Variants in TBC1D9 observed in about 807,000 individuals in gnomAD.
TBC1D9 encodes TBC1 domain family member 9, also known as TBC1 domain family member 9A.
In TBC1D9, 63 loss-of-function variants were observed where a neutral mutation model predicts 132.0. That is an observed-to-expected ratio of 0.48 (90% CI 0.39 to 0.59). TBC1D9 has a LOEUF of 0.59. Ranked by LOEUF, TBC1D9 falls within the 20% of genes least tolerant of loss-of-function variation. The pLI, the probability that TBC1D9 is intolerant of heterozygous loss-of-function variation, is 0.00. For synonymous variants in TBC1D9, 610 were observed against 609.9 expected, an observed-to-expected ratio of 1.00 and a Z score of 0.00; for missense variants, 1,261 against 1,592.7, an observed-to-expected ratio of 0.79 and a Z score of 3.54.
chr4:140,643,129 C>A, intron 13 of TBC1D9: 2 of 1,420,578 alleles, frequency 1.4e-6, no homozygotes, highest in Non-Finnish European at 1.9e-6. Flanking sequence ...GGTCCCACCA[C>A]GGGCCCATCC....
chr4:140,639,278 G>A (rs1441668369), intron 14 of TBC1D9, 52 bp downstream of exon 14: 3 of 1,498,022 alleles, frequency 2.0e-6, no homozygotes, highest in African/African-American at 2.8e-5. Flanking sequence ...GCCAGCAGGA[G>A]TGTGAAGAAG....
intron 6 of TBC1D9, among the ~76,000 whole-genome samples, chr4:140,672,198 A>G (rs10001181): frequency 0.054 from 8,172 of 150,136 alleles, 307 homozygotes; most frequent in Middle Eastern, 0.12. Flanking sequence ...TCTATATTAA[A>G]TATATGTGTT....
chr4:140,627,317 C>A, intron 18 of TBC1D9, 124 bp downstream of exon 18: 1 of 645,990 alleles, frequency 1.5e-6, no homozygotes, highest in Non-Finnish European at 2.7e-6. Flanking sequence ...AGGAAAGTAA[C>A]CAATTAAGGC....
chr4:140,742,447 G>T (rs1738773173), intron 1 of TBC1D9, among the ~76,000 whole-genome samples: 1 of 145,094 alleles, frequency 6.9e-6, no homozygotes, highest in African/African-American at 2.6e-5. Context: ...CAGGCTAATT[G>T]CTTGAACCTG....
intron 6 of TBC1D9, among the ~76,000 whole-genome samples, chr4:140,675,628 G>T (rs909242926): frequency 3.3e-5 from 5 of 152,174 alleles, no homozygotes; most frequent in African/African-American, 1.2e-4. Flanking sequence ...ATGTTTCTTA[G>T]ACTTTACTGT....
chr4:140,695,846 C>T (rs148101201), intron 2 of TBC1D9, among the ~76,000 whole-genome samples: 41 of 152,092 alleles, frequency 2.7e-4, no homozygotes, highest in Non-Finnish European at 4.7e-4. Flanking sequence ...GCCCCAGGTG[C>T]AAAATAGTCA....
intron 1 of TBC1D9, among the ~76,000 whole-genome samples, chr4:140,713,048 ACATAGGTGATTAACTT>A (rs1738275585): frequency 6.6e-6 from 1 of 152,190 alleles, no homozygotes; most frequent in African/African-American, 2.4e-5. Context: ...TCATCTAAAG[ACATAGGTGATTAACTT>A]CTTTTAATCT....
intron 9 of TBC1D9, among the ~76,000 whole-genome samples, chr4:140,665,440 T>C (rs941556535): frequency 6.6e-6 from 1 of 152,166 alleles, no homozygotes; most frequent in Non-Finnish European, 1.5e-5. Flanking sequence ...TGAGTACATA[T>C]TTCTACAAAG....
At chr4:140,690,125 C>T (rs987299160) in intron 2 of TBC1D9, among the ~76,000 whole-genome samples, 3 of 151,982 alleles carry the variant, frequency 2.0e-5, no homozygotes. Context: ...ATGGTATATG[C>T]CCATATGAAT....
At chr4:140,735,807 A>G (rs1167718453) in intron 1 of TBC1D9, among the ~76,000 whole-genome samples, 1 of 152,220 alleles carries the variant, frequency 6.6e-6, no homozygotes, top group Non-Finnish European at 1.5e-5. Flanking sequence ...ATAACATCCA[A>G]TTGAGCACAG....
intron 13 of TBC1D9, among the ~76,000 whole-genome samples, chr4:140,646,235 C>G (rs745968103): frequency 3.3e-5 from 5 of 151,976 alleles, no homozygotes; most frequent in Non-Finnish European, 7.4e-5. Flanking sequence ...TTAACTTGCC[C>G]AAGTCTACAC....
chr4:140,664,203 A>G (rs1240065677), intron 9 of TBC1D9, among the ~76,000 whole-genome samples: 1 of 152,178 alleles, frequency 6.6e-6, no homozygotes, highest in Non-Finnish European at 1.5e-5. Flanking sequence ...TTATTTGTCA[A>G]TTATACCTCA....
chr4:140,645,138 TG>T, intron 13 of TBC1D9: 1 of 565,536 alleles, frequency 1.8e-6, no homozygotes, highest in Non-Finnish European at 3.4e-6. Context: ...AGGGTGCACG[TG>T]GGCCAGGTCA....
At chr4:140,749,314 T>C (rs1461664917) in intron 1 of TBC1D9, among the ~76,000 whole-genome samples, 1 of 152,012 alleles carries the variant, frequency 6.6e-6, no homozygotes, top group Admixed American at 6.5e-5. Context: ...ATAAAATGAA[T>C]ATAAAACTTC....
chr4:140,740,207 A>G (rs995940953), intron 1 of TBC1D9, among the ~76,000 whole-genome samples: 12 of 152,222 alleles, frequency 7.9e-5, no homozygotes, highest in African/African-American at 2.9e-4. Flanking sequence ...CCAAATGAAT[A>G]GCTGTTCCTA....
intron 1 of TBC1D9, among the ~76,000 whole-genome samples, chr4:140,751,176 C>T (rs1384103933): frequency 6.6e-6 from 1 of 151,938 alleles, no homozygotes; most frequent in Non-Finnish European, 1.5e-5. Context: ...TGCATGTAAC[C>T]CATGAATCTA....
chr4:140,644,974 C>A (rs550023136), intron 13 of TBC1D9: 1 of 458,014 alleles, frequency 2.2e-6, no homozygotes, highest in Non-Finnish European at 4.4e-6. Flanking sequence ...CAGGGGTGTC[C>A]GGCAAGCCAC....
At chr4:140,694,337 G>A (rs1404630949) in intron 2 of TBC1D9, among the ~76,000 whole-genome samples, 3 of 152,114 alleles carry the variant, frequency 2.0e-5, no homozygotes, top group Admixed American at 6.6e-5. Flanking sequence ...TCGGGAGGCC[G>A]AGGTGGGTGA....
At chr4:140,684,933 C>T (rs1560885041) in intron 3 of TBC1D9, among the ~76,000 whole-genome samples, 1 of 151,912 alleles carries the variant, frequency 6.6e-6, no homozygotes, top group Non-Finnish European at 1.5e-5. Flanking sequence ...TAATTAAGTC[C>T]AGTAATGAAA....
Sources: allele counts gnomAD v4.1 joint callset (sites outside exome capture counted in the v4.1 genomes callset), GRCh38; gene constraint gnomAD v4.1.1; transcripts MANE v1.5; gene names NCBI Gene and HGNC (gene_info 2026-07-23, HGNC 2026-07-21).